GALNTL6: variants seen among roughly 807,000 people sequenced by gnomAD.
GALNTL6 encodes the protein polypeptide N-acetylgalactosaminyltransferase like 6, also known as polypeptide N-acetylgalactosaminyltransferase-like 6.
GALNTL6 carries 46 observed loss-of-function variants against 73.7 expected under a neutral mutation model. That is an observed-to-expected ratio of 0.62 (90% confidence interval 0.49 to 0.80). The LOEUF is 0.80. Among genes scored for constraint, GALNTL6 ranks in the 30% least tolerant of loss-of-function variants. GALNTL6 has a pLI of 0.00. For synonymous variants in GALNTL6, 259 were observed against 263.7 expected (o/e 0.98, Z 0.17); for missense variants, 604 against 755.0 (o/e 0.80, Z 2.34).
At chr4:172,745,001 A>G (rs1737019820) in intron 5 of GALNTL6, among the ~76,000 whole-genome samples, 1 of 152,146 alleles carries the variant, frequency 6.6e-6, no homozygotes, top group Non-Finnish European at 1.5e-5. Flanking sequence ...AATCATGTTT[A>G]TATACCAAAG....
At chr4:172,605,830 G>A (rs563576887) in intron 5 of GALNTL6, among the ~76,000 whole-genome samples, 7 of 152,100 alleles carry the variant, frequency 4.6e-5, no homozygotes, top group African/African-American at 1.7e-4. Context: ...AGCAAATGAG[G>A]ATGGATTTAT....
At chr4:171,865,893 G>A (rs940932661) in intron 2 of GALNTL6, among the ~76,000 whole-genome samples, 1 of 152,078 alleles carries the variant, frequency 6.6e-6, no homozygotes, top group Non-Finnish European at 1.5e-5. Context: ...TCATGATTGT[G>A]TTCTGTCAAA....
At chr4:172,600,186 C>T (rs575832758) in intron 5 of GALNTL6, among the ~76,000 whole-genome samples, 1 of 152,084 alleles carries the variant, frequency 6.6e-6, no homozygotes, top group Non-Finnish European at 1.5e-5. Flanking sequence ...TACATCAGCT[C>T]TGTAGCCATC....
intron 5 of GALNTL6, among the ~76,000 whole-genome samples, chr4:172,590,085 A>G (rs1418227284): frequency 6.6e-6 from 1 of 152,116 alleles, no homozygotes; most frequent in Non-Finnish European, 1.5e-5. Flanking sequence ...TTTATTCAAA[A>G]CCTGCCTCAA....
At chr4:172,956,841 C>T (rs1448187219) in intron 10 of GALNTL6, among the ~76,000 whole-genome samples, 1 of 152,108 alleles carries the variant, frequency 6.6e-6, no homozygotes, top group African/African-American at 2.4e-5. Flanking sequence ...TTCTACCTTT[C>T]CTGAAGATTG....
chr4:172,672,292 T>C (rs561636709), intron 5 of GALNTL6, among the ~76,000 whole-genome samples: 1 of 152,374 alleles, frequency 6.6e-6, no homozygotes, highest in African/African-American at 2.4e-5. Flanking sequence ...TTTAGTTCTG[T>C]TTATGTGATG....
chr4:172,835,184 G>C lies in GALNTL6; in HGVS notation c.923+21461G>C, dbSNP rs140952460. On this transcript the variant is annotated intron_variant, in intron 7 of 12. Transcript: ENST00000506823. The stretch of plus-strand genomic sequence containing the variant: ...CTGCACTGACACCTTCCATTATGCA[G>C]TGAAAGGCTTTCTCTTGATAAAGGA... Among the ~76,000 whole-genome samples the C allele has an allele frequency of 6.6e-5, 10 of 152,378 alleles. No homozygotes were observed. The East Asian group carries it at 1.5e-3, about 23-fold the overall frequency.
At chr4:172,598,830 T>C (rs1737953131) in intron 5 of GALNTL6, among the ~76,000 whole-genome samples, 1 of 152,192 alleles carries the variant, frequency 6.6e-6, no homozygotes, top group African/African-American at 2.4e-5. Flanking sequence ...TGTTACCCAG[T>C]AATTAATGCC....
At chr4:172,786,413 C>A (rs957094460) in intron 5 of GALNTL6, among the ~76,000 whole-genome samples, 3 of 152,128 alleles carry the variant, frequency 2.0e-5, no homozygotes, top group Admixed American at 6.5e-5. Context: ...ATTTTAGGAA[C>A]TTGGTTAATC....
chr4:171,905,369 A>G (rs1038481752), intron 2 of GALNTL6, among the ~76,000 whole-genome samples: 11 of 152,188 alleles, frequency 7.2e-5, no homozygotes, highest in African/African-American at 2.7e-4. Flanking sequence ...AACAGACTTT[A>G]AACCAACAAA....
intron 2 of GALNTL6, among the ~76,000 whole-genome samples, chr4:171,903,991 T>G (rs1444831206): frequency 6.6e-6 from 1 of 152,100 alleles, no homozygotes; most frequent in Admixed American, 6.5e-5. Context: ...AAAACCCATC[T>G]GTACATCACC....
At chr4:172,460,024 C>T (rs913338364) in intron 5 of GALNTL6, among the ~76,000 whole-genome samples, 4 of 152,022 alleles carry the variant, frequency 2.6e-5, no homozygotes, top group Non-Finnish European at 5.9e-5. Flanking sequence ...GATATATAGA[C>T]CAATGGAACG....
intron 3 of GALNTL6, among the ~76,000 whole-genome samples, chr4:172,260,808 C>T (rs1738232741): frequency 6.6e-6 from 1 of 151,270 alleles, no homozygotes; most frequent in African/African-American, 2.4e-5. Flanking sequence ...AGGTTTTAAT[C>T]ATAAAGGAAA....
At chr4:173,006,777 TC>T (rs1414179268) in intron 10 of GALNTL6, among the ~76,000 whole-genome samples, 1 of 152,008 alleles carries the variant, frequency 6.6e-6, no homozygotes, top group African/African-American at 2.4e-5. Context: ...AAATCTGGAG[TC>T]GATGGGTTCC....
rs552855182 is a variant in GALNTL6 at position 172,816,218 on chromosome 4, C to T, written c.923+2495C>T. ...AGGGAAACAAAGAAGAATGTGCAAA[C>T]GTATCTCAAACCCCAGTATTTTTCA... On this transcript the variant is annotated intron_variant, in intron 7 of 12. Transcript: ENST00000506823. Among the ~76,000 whole-genome samples, 89 of 152,314 alleles carry T rather than the reference C, an allele frequency of 5.8e-4. 1 individual carries two copies. Among genetic ancestry groups the T allele is most frequent in the African/African-American group, 2.1e-3 (88 of 41,568 alleles).
intron 4 of GALNTL6, among the ~76,000 whole-genome samples, chr4:172,315,378 C>T (rs928556943): frequency 5.9e-5 from 9 of 152,296 alleles, no homozygotes; most frequent in African/African-American, 2.2e-4. Context: ...ATTCTCCTGC[C>T]TCAGCCTCCC....
rs554849974 is a variant in GALNTL6 at position 172,381,333 on chromosome 4, T to C, written c.553+32644T>C. On this transcript the variant is annotated intron_variant, in intron 5 of 12. Coordinates refer to ENST00000506823, the MANE Select transcript of GALNTL6 (RefSeq NM_001034845.3). ...GTACAATTCAGTGGTTTTTAGAATATTGATGGAATTGTGCAACCATCATCA... is the reference window on the plus strand; with the variant it reads ...GTACAATTCAGTGGTTTTTAGAATACTGATGGAATTGTGCAACCATCATCA... Among the ~76,000 whole-genome samples, 10 of 152,288 alleles carry C rather than the reference T, an allele frequency of 6.6e-5. No homozygotes were observed. The South Asian group carries it at 2.1e-3, about 32-fold the overall frequency.
chr4:172,326,413 T>C (rs1034737910), intron 4 of GALNTL6, among the ~76,000 whole-genome samples: 10 of 152,002 alleles, frequency 6.6e-5, no homozygotes, highest in African/African-American at 2.4e-4. Flanking sequence ...TTTTGGATTG[T>C]TATGTCCTCT....
chr4:172,812,922 T>C lies in GALNTL6; in HGVS notation c.740-618T>C, dbSNP rs192856619. Among the ~76,000 whole-genome samples, 9 of 152,280 alleles carry C rather than the reference T, an allele frequency of 5.9e-5. No homozygotes were observed. In the East Asian group the frequency reaches 1.7e-3, roughly 29 times the overall value. On this transcript the variant is annotated intron_variant, in intron 6 of 12. Transcript: ENST00000506823. ...GTAGTATAATATCACCTAATACTTT[T>C]TCGAATATGATGAGGGAAGAAAATG... is the stretch of plus-strand genomic sequence containing the variant.
Sources: allele counts gnomAD v4.1 joint callset (sites outside exome capture counted in the v4.1 genomes callset), GRCh38; gene constraint gnomAD v4.1.1; transcripts MANE v1.5; gene names NCBI Gene and HGNC (gene_info 2026-07-23, HGNC 2026-07-21).